HELZ: variants seen among roughly 807,000 people sequenced by gnomAD.
HELZ encodes the protein helicase with zinc finger.
A neutral mutation model predicts 218.2 loss-of-function variants in HELZ; 23 were observed. The observed-to-expected ratio is 0.11, with a 90% CI of 0.08 to 0.15. HELZ has a LOEUF of 0.15. Among genes scored for constraint, HELZ ranks in the 10% least tolerant of loss-of-function variants. The pLI is 1.00. For synonymous variants in HELZ, 814 were observed against 829.4 expected (o/e 0.98, Z 0.32); for missense variants, 1,813 against 2,353.7 (o/e 0.77, Z 4.75).
chr17:67,144,652 C>T (rs1449389342), intron 21 of HELZ, among the ~76,000 whole-genome samples: 1 of 151,892 alleles, frequency 6.6e-6, no homozygotes, highest in Non-Finnish European at 1.5e-5. Context: ...GCCTCAGGAT[C>T]AAGGATCAGG....
chr17:67,083,249 T>C (rs746102809), intron 32 of HELZ, among the ~76,000 whole-genome samples: 2 of 152,210 alleles, frequency 1.3e-5, no homozygotes, highest in South Asian at 4.1e-4. Flanking sequence ...TAACCATGAA[T>C]ACAAGATTGC....
At chr17:67,164,939 C>T (rs1375795251) in intron 15 of HELZ, among the ~76,000 whole-genome samples, 5 of 152,112 alleles carry the variant, frequency 3.3e-5, no homozygotes, top group African/African-American at 1.2e-4. Context: ...AGCCAGAAAA[C>T]AGGGCCACAG....
intron 23 of HELZ, among the ~76,000 whole-genome samples, chr17:67,134,327 G>T (rs935359480): frequency 6.6e-6 from 1 of 151,938 alleles, no homozygotes; most frequent in Non-Finnish European, 1.5e-5. Context: ...AGAGGTTGCG[G>T]TGAGCCGAGA....
intron 17 of HELZ, among the ~76,000 whole-genome samples, chr17:67,154,435 A>T (rs56895823): frequency 0.21 from 32,104 of 151,758 alleles, 3,532 homozygotes; most frequent in African/African-American, 0.26. Context: ...TCTTAAAAAA[A>T]AATAATAATA....
At position 67,109,497 on chromosome 17, in the gene HELZ, G is replaced by A; in HGVS notation, c.4108C>T (p.Pro1370Ser). 1 of 1,614,186 alleles carries A rather than the reference G, an allele frequency of 6.2e-7. No homozygotes were observed. Among genetic ancestry groups the A allele is most frequent in the Non-Finnish European group, 8.5e-7 (1 of 1,180,036 alleles). ...FHPLPQLPRP[P>S]FPIPQQHTLL... ...GTGTGCTGCTGTGGAATTGGAAAGG[G>A]TGGTCTTGGTAGCTGGGGAAGGGGA... The change falls in exon 29 of 33, where the codon CCC (proline) becomes TCC (serine). Residue 1370 changes from proline to serine, a missense_variant. Pro to Ser is a moderately conservative substitution (Grantham distance 74, BLOSUM62 -1). Around this residue, in one of 4 missense-constraint regions of HELZ, gnomAD observed 938 missense variants for 1,027.5 expected, o/e 0.91. Transcript: ENST00000358691.
intron 27 of HELZ, among the ~76,000 whole-genome samples, chr17:67,115,512 TAATC>T (rs1173817813): frequency 4.6e-5 from 7 of 151,948 alleles, no homozygotes; most frequent in Admixed American, 4.6e-4. Flanking sequence ...AGGCATATCA[TAATC>T]AAACTGATAA....
intron 15 of HELZ, among the ~76,000 whole-genome samples, chr17:67,163,682 G>A (rs1483167952): frequency 1.3e-5 from 2 of 151,982 alleles, no homozygotes; most frequent in South Asian, 2.1e-4. Flanking sequence ...GATTACAGGC[G>A]TGACCCACCG....
At chr17:67,133,379 A>C (rs2038047426) in intron 23 of HELZ, among the ~76,000 whole-genome samples, 1 of 151,022 alleles carries the variant, frequency 6.6e-6, no homozygotes. Flanking sequence ...ACAATGGATG[A>C]AAAATGCTGA....
At chr17:67,164,462 G>T (rs1294823548) in intron 15 of HELZ, among the ~76,000 whole-genome samples, 1 of 152,126 alleles carries the variant, frequency 6.6e-6, no homozygotes, top group Admixed American at 6.5e-5. Flanking sequence ...CAGGAAGGGG[G>T]AAATGAGTTG....
intron 15 of HELZ, 21 bp downstream of exon 15, chr17:67,166,457 T>A: frequency 1.9e-6 from 3 of 1,592,864 alleles, no homozygotes; most frequent in Non-Finnish European, 2.6e-6. Flanking sequence ...CTTCCTTTAA[T>A]AAGATATCGC....
intron 20 of HELZ, among the ~76,000 whole-genome samples, chr17:67,147,176 ATATT>A (rs1372999296): frequency 6.6e-6 from 1 of 152,200 alleles, no homozygotes; most frequent in Non-Finnish European, 1.5e-5. Context: ...TATAGATTAT[ATATT>A]TAGTCACAGA....
intron 15 of HELZ, among the ~76,000 whole-genome samples, chr17:67,164,412 T>C (rs2039078548): frequency 6.6e-6 from 1 of 152,060 alleles, no homozygotes; most frequent in Admixed American, 6.5e-5. Flanking sequence ...GCAAAGATTA[T>C]ATGAGAGACA....
intron 24 of HELZ, 117 bp from the exon 25 acceptor site, chr17:67,124,131 C>A: frequency 1.5e-6 from 1 of 670,532 alleles, no homozygotes; most frequent in Non-Finnish European, 2.5e-6. Flanking sequence ...AATCTAAAAA[C>A]TGTGAGTCTA....
chr17:67,190,076 C>CA, intron 10 of HELZ, 81 bp downstream of exon 10: 4 of 1,226,466 alleles, frequency 3.3e-6, no homozygotes, highest in Non-Finnish European at 3.5e-6. Flanking sequence ...GGAAATAAAC[C>CA]AAAATAGAGC....
chr17:67,132,261 T>C (rs2038011120), intron 23 of HELZ, among the ~76,000 whole-genome samples: 1 of 151,242 alleles, frequency 6.6e-6, no homozygotes, highest in South Asian at 2.1e-4. Context: ...CAAATATACA[T>C]ATATCTCTAC....
At chr17:67,086,137 T>C (rs1033242141) in intron 32 of HELZ, among the ~76,000 whole-genome samples, 6 of 152,024 alleles carry the variant, frequency 3.9e-5, no homozygotes, top group Non-Finnish European at 8.8e-5. Context: ...CCCTCAGCCC[T>C]GAAGGAAAAA....
chr17:67,210,107 C>G (rs1248361694), intron 5 of HELZ, among the ~76,000 whole-genome samples: 1 of 152,100 alleles, frequency 6.6e-6, no homozygotes. Context: ...CTTTGTTGTC[C>G]CAGCTACTGG....
At chr17:67,152,786 C>T (rs201582303) in intron 17 of HELZ, among the ~76,000 whole-genome samples, 1 of 83,970 alleles carries the variant, frequency 1.2e-5, no homozygotes, top group African/African-American at 4.7e-5. Flanking sequence ...AAAAAAAAAA[C>T]AACTAGTGGA....
rs573432295 is a variant in HELZ, at chr17:67,077,933, CTTT to C, written c.*316_*318del. 2.5e-4 allele frequency: 33 copies of C among 129,516 alleles called. No homozygotes were observed. The highest frequency in any genetic ancestry group is 3.8e-4 in the African/African-American group (13 of 34,510). The allele number at this position is 129,516 out of a possible 1,614,324, so 8.0% of individuals were successfully genotyped here. A position where few individuals can be genotyped will look rare whatever the true frequency, so the allele number is the denominator to read the frequency against. ...TTAAATACATTTTAGACAAACTTTT[CTTT>C]TTTTTTTTTTTTTTATAGTTGCACA... On this transcript the variant is annotated 3_prime_UTR_variant, in exon 33 of 33. Transcript: ENST00000358691.
Sources: gnomAD v4.1 joint callset for allele counts (sites outside exome capture counted in the v4.1 genomes callset) on GRCh38, gnomAD v4.1.1 for gene constraint, gnomAD v4.1.1 regional missense constraint, MANE v1.5 for transcripts, NCBI Gene and HGNC (gene_info 2026-07-23, HGNC 2026-07-21) for gene names.